The following EXT1 variants were observed in gnomAD, a reference collection of about 807,000 sequenced individuals.
EXT1 encodes the protein exostosin-1.
EXT1 carries 20 observed loss-of-function variants against 82.5 expected under a neutral mutation model. That is an observed-to-expected ratio of 0.24 (90% CI 0.17 to 0.35). EXT1 has a LOEUF of 0.35. EXT1 is among the 10% of genes least tolerant of loss of function. EXT1 has a pLI of 1.00. For synonymous variants in EXT1, 348 were observed against 350.8 expected, an observed-to-expected ratio of 0.99 and a Z score of 0.09; for missense variants, 757 against 936.5, an observed-to-expected ratio of 0.81 and a Z score of 2.50.
intron 1 of EXT1, among the ~76,000 whole-genome samples, chr8:118,102,518 T>C (rs1236474254): frequency 6.6e-6 from 1 of 152,230 alleles, no homozygotes; most frequent in African/African-American, 2.4e-5. Context: ...GGTAGGAGTT[T>C]GTTTTGTTTG....
chr8:117,932,648 G>C (rs1814083228), intron 1 of EXT1, among the ~76,000 whole-genome samples: 1 of 152,026 alleles, frequency 6.6e-6, no homozygotes, highest in South Asian at 2.1e-4. Flanking sequence ...AAAATCTTTT[G>C]GATTTCCTGA....
intron 7 of EXT1, among the ~76,000 whole-genome samples, chr8:117,813,842 C>G (rs1434907202): frequency 6.6e-6 from 1 of 151,876 alleles, no homozygotes; most frequent in Non-Finnish European, 1.5e-5. Context: ...CCTGACTCTA[C>G]TAAAAATACA....
chr8:118,099,819 T>C (rs1817685839), intron 1 of EXT1, among the ~76,000 whole-genome samples: 1 of 152,162 alleles, frequency 6.6e-6, no homozygotes, highest in South Asian at 2.1e-4. Flanking sequence ...CAGATATGAG[T>C]TGCTGTTGCT....
intron 6 of EXT1, 65 bp from the exon 7 acceptor site, chr8:117,818,595 A>G (rs1026806878): frequency 5.7e-6 from 7 of 1,234,830 alleles, no homozygotes; most frequent in Non-Finnish European, 8.4e-6. Context: ...TCCAACCCAA[A>G]GCCTCTTCTC....
intron 1 of EXT1, among the ~76,000 whole-genome samples, chr8:118,008,478 C>T (rs1015546128): frequency 1.3e-5 from 2 of 152,100 alleles, no homozygotes; most frequent in African/African-American, 2.4e-5. Context: ...CCAGGCTGGT[C>T]TCGAACTAGG....
chr8:118,093,952 G>C (rs1251555380), intron 1 of EXT1, among the ~76,000 whole-genome samples: 1 of 152,248 alleles, frequency 6.6e-6, no homozygotes, highest in Non-Finnish European at 1.5e-5. Flanking sequence ...GTTGAAAGTA[G>C]AAAGTCATTC....
chr8:118,007,447 G>T (rs1223948800), intron 1 of EXT1, among the ~76,000 whole-genome samples: 2 of 152,122 alleles, frequency 1.3e-5, no homozygotes, highest in Admixed American at 1.3e-4. Context: ...TTGATAACTT[G>T]GTGAAAACTA....
chr8:117,924,985 G>A (rs1372660412), intron 1 of EXT1, among the ~76,000 whole-genome samples: 1 of 152,086 alleles, frequency 6.6e-6, no homozygotes, highest in Non-Finnish European at 1.5e-5. Context: ...TGTTAAGTTT[G>A]GTTCTAAAAT....
At chr8:117,961,146 T>TCCTTCCCTCCTTCCC (rs1814691511) in intron 1 of EXT1, among the ~76,000 whole-genome samples, 1 of 70,726 alleles carries the variant, frequency 1.4e-5, no homozygotes, top group African/African-American at 7.7e-5. Flanking sequence ...CCCTCCTTCC[T>TCCTTCCCTCCTTCCC]TCCTTCCCTC....
rs57727618 is a variant in EXT1 at position 117,814,234 on chromosome 8, G to GGTGTGT, written c.1633-1279_1633-1274dup. On this transcript the variant is annotated intron_variant, in intron 7 of 10. Coordinates refer to ENST00000378204, the MANE Select transcript of EXT1 (RefSeq NM_000127.3). ...GGTGGACTACGTGTGCACACACAGT[G>GGTGTGT]GTGTGTGTGTGTGTGTGTGTGTGTG... 3.8e-3 allele frequency among the ~76,000 whole-genome samples: 563 copies of GGTGTGT among 146,786 alleles called. 2 individuals are homozygous for GGTGTGT. The highest frequency in any genetic ancestry group is 8.1e-3 in the African/African-American group (325 of 40,068).
chr8:117,864,524 C>T lies in EXT1; in HGVS notation c.963-27323G>A, dbSNP rs571420316. 5.0e-4 allele frequency among the ~76,000 whole-genome samples: 76 copies of T among 152,154 alleles called. 1 individual carries two copies. The highest frequency in any genetic ancestry group is 1.7e-3 in the African/African-American group (71 of 41,526). Reference sequence around the variant, plus strand: ...CAGCACTTTGGGAGGCCGAGGCGGGCGGATCACGAGGTCAGGAGATCGAGA... The same window carrying T: ...CAGCACTTTGGGAGGCCGAGGCGGGTGGATCACGAGGTCAGGAGATCGAGA... On this transcript the variant is annotated intron_variant, in intron 1 of 10. Coordinates refer to ENST00000378204, the MANE Select transcript of EXT1 (RefSeq NM_000127.3).
At chr8:118,063,268 C>T (rs1816915039) in intron 1 of EXT1, among the ~76,000 whole-genome samples, 1 of 152,180 alleles carries the variant, frequency 6.6e-6, no homozygotes, top group Non-Finnish European at 1.5e-5. Context: ...AACTATAGTG[C>T]TAATCAAGGC....
At chr8:117,841,691 C>G (rs1225202558) in intron 1 of EXT1, among the ~76,000 whole-genome samples, 1 of 152,100 alleles carries the variant, frequency 6.6e-6, no homozygotes, top group African/African-American at 2.4e-5. Context: ...TCACAAACGA[C>G]TACAAAGAAA....
chr8:117,888,033 T>C (rs1336980709), intron 1 of EXT1, among the ~76,000 whole-genome samples: 1 of 151,620 alleles, frequency 6.6e-6, no homozygotes, highest in Non-Finnish European at 1.5e-5. Context: ...TGCGGTAAGC[T>C]GAGATCACGC....
chr8:117,926,897 T>C (rs986005449), intron 1 of EXT1, among the ~76,000 whole-genome samples: 2 of 152,360 alleles, frequency 1.3e-5, no homozygotes, highest in Non-Finnish European at 2.9e-5. Flanking sequence ...CTAAAAATTC[T>C]ACAAAAAAAC....
chr8:117,809,452 C>T (rs1823287753), intron 8 of EXT1, among the ~76,000 whole-genome samples: 1 of 151,364 alleles, frequency 6.6e-6, no homozygotes, highest in South Asian at 2.1e-4. Flanking sequence ...GCTTGGCCAA[C>T]ACGGTGAAAC....
intron 1 of EXT1, among the ~76,000 whole-genome samples, chr8:117,912,069 G>A (rs1475410726): frequency 6.7e-6 from 1 of 149,718 alleles, no homozygotes; most frequent in Non-Finnish European, 1.5e-5. Flanking sequence ...TTAGGCACCT[G>A]AAGAAGAAGA....
intron 1 of EXT1, among the ~76,000 whole-genome samples, chr8:118,010,052 A>C (rs1237717762): frequency 6.6e-6 from 1 of 152,174 alleles, no homozygotes; most frequent in African/African-American, 2.4e-5. Context: ...ACCTTTGTCC[A>C]TCAGTGTCTT....
chr8:117,806,130 TCACTTCCTGGTCC>T (rs1306243381), intron 9 of EXT1, among the ~76,000 whole-genome samples: 2 of 152,186 alleles, frequency 1.3e-5, no homozygotes. Flanking sequence ...TGGCCACCAT[TCACTTCCTGGTCC>T]CAGGATCCCA....
Sources: allele counts gnomAD v4.1 joint callset (sites outside exome capture counted in the v4.1 genomes callset), GRCh38; gene constraint gnomAD v4.1.1; transcripts MANE v1.5; gene names NCBI Gene and HGNC (gene_info 2026-07-23, HGNC 2026-07-21).